Variants in TUB observed in about 807,000 individuals in gnomAD.
The protein encoded by TUB is TUB bipartite transcription factor.
TUB carries 33 observed loss-of-function variants against 59.7 expected under a neutral mutation model. The ratio of observed to expected loss-of-function variants is 0.55; its 90% CI spans 0.42 to 0.74. The LOEUF (loss-of-function observed/expected upper bound fraction) is 0.74, where lower values mean the gene tolerates loss of function less well. Ranked by LOEUF, TUB falls within the 30% of genes least tolerant of loss-of-function variation. The pLI, the probability that TUB is intolerant of heterozygous loss-of-function variation, is 0.00. For missense variants in TUB, 659 were observed against 672.0 expected, an observed-to-expected ratio of 0.98 and a Z score of 0.21; for synonymous variants, 293 against 256.4, an observed-to-expected ratio of 1.14 and a Z score of -1.36.
intron 3 of TUB, among the ~76,000 whole-genome samples, chr11:8,092,674 A>G (rs114739857): frequency 0.015 from 2,250 of 152,196 alleles, 47 homozygotes; most frequent in African/African-American, 0.051. Context: ...GATTTCTGGG[A>G]GGTGCCTACT....
intron 3 of TUB, among the ~76,000 whole-genome samples, chr11:8,093,779 G>A (rs1262705342): frequency 1.3e-5 from 2 of 152,174 alleles, no homozygotes; most frequent in African/African-American, 4.8e-5. Flanking sequence ...TGCGCACTTT[G>A]TTGGCTGATC....
upstream of TUB, among the ~76,000 whole-genome samples, chr11:8,034,011 C>T (rs532913400): frequency 6.6e-6 from 1 of 152,300 alleles, no homozygotes; most frequent in African/African-American, 2.4e-5. Context: ...TGGGGCATAC[C>T]CGGCCTTGTC....
upstream of TUB, chr11:8,036,005 C>G (rs1409834446): frequency 6.6e-6 from 1 of 152,310 alleles, no homozygotes; most frequent in Admixed American, 6.5e-5. Flanking sequence ...GGGGGGCACA[C>G]CTGTCTCCAG....
upstream of TUB, among the ~76,000 whole-genome samples, chr11:8,078,897 T>A (rs1187461733): frequency 6.6e-6 from 1 of 151,842 alleles, no homozygotes; most frequent in Non-Finnish European, 1.5e-5. Flanking sequence ...ACACTGGCGC[T>A]CAGTCCCACT....
At chr11:8,042,527 T>G (rs767137854) in intron 2 of TUB, among the ~76,000 whole-genome samples, 7 of 152,166 alleles carry the variant, frequency 4.6e-5, no homozygotes, top group Non-Finnish European at 8.8e-5. Flanking sequence ...ACTGTCAGAG[T>G]GTTTTCCCAA....
upstream of TUB, chr11:8,038,564 G>A (rs890926749): frequency 4.6e-6 from 5 of 1,096,802 alleles, no homozygotes; most frequent in African/African-American, 8.2e-5. Context: ...CAGATGCAGA[G>A]AGACTTGGCC....
Position 8,104,849 on chromosome 11 carries a change from T to TAATC in TUB, c.*3232_*3235dup, listed in dbSNP as rs1944470756. 1 of 151,534 alleles carries TAATC rather than the reference T, an allele frequency of 6.6e-6. No individual in the cohort carries two copies. The highest frequency in any genetic ancestry group is 6.6e-5 in the Admixed American group (1 of 15,224). The allele number at this position is 151,534 out of a possible 1,614,324, so 9.4% of individuals were successfully genotyped here. A position where few individuals can be genotyped will look rare whatever the true frequency, so the allele number is the denominator to read the frequency against. Reference sequence around the variant, plus strand: ...CAGGTGTTGGAAGCCAGGACTGTGATAATCAGAAGCTATAAGAGAACTTTC... The same window carrying TAATC: ...CAGGTGTTGGAAGCCAGGACTGTGATAATCAATCAGAAGCTATAAGAGAACTTTC... On this transcript the variant is annotated 3_prime_UTR_variant, in exon 12 of 12. Transcript: ENST00000299506.
chr11:8,050,397 A>C (rs890931194), intron 2 of TUB, among the ~76,000 whole-genome samples: 2 of 152,190 alleles, frequency 1.3e-5, no homozygotes, highest in African/African-American at 4.8e-5. Context: ...GATGCTGCCA[A>C]AGTTTTCCAG....
At chr11:8,063,650 T>G (rs751331852) in intron 2 of TUB, among the ~76,000 whole-genome samples, 1 of 152,228 alleles carries the variant, frequency 6.6e-6, no homozygotes. Flanking sequence ...ATTATAAATA[T>G]CATGGCTATG....
rs990806433 is a variant in TUB at position 8,104,469 on chromosome 11, G to A, written c.*2850G>A. On this transcript the variant is annotated 3_prime_UTR_variant, in exon 12 of 12. Transcript: ENST00000299506. Reference sequence around the variant, plus strand: ...GTCTGTGTGTTTATTTGGGGAAAAGGGCAATCAGCAATCAACTGAGGTTTC... The same window carrying A: ...GTCTGTGTGTTTATTTGGGGAAAAGAGCAATCAGCAATCAACTGAGGTTTC... 1.3e-5 allele frequency: 2 copies of A among 152,188 alleles called. No homozygotes were observed. Among genetic ancestry groups the A allele is most frequent in the African/African-American group, 4.8e-5 (2 of 41,422 alleles). The allele number at this position is 152,188 out of a possible 1,614,324, so 9.4% of individuals were successfully genotyped here. A position where few individuals can be genotyped will look rare whatever the true frequency, so the allele number is the denominator to read the frequency against.
chr11:8,097,542 C>A, intron 7 of TUB, 117 bp downstream of exon 7: 1 of 1,440,348 alleles, frequency 6.9e-7, no homozygotes, highest in Non-Finnish European at 9.6e-7. Flanking sequence ...CTCAAAGAAA[C>A]TGCCTTCGTG....
chr11:8,089,707 A>T, intron 2 of TUB, 46 bp downstream of exon 2: 1 of 1,611,398 alleles, frequency 6.2e-7, no homozygotes, highest in Non-Finnish European at 8.5e-7. Flanking sequence ...CTGGGCTGGG[A>T]TCTCTGAGGG....
rs181311410 is a variant in TUB at position 8,092,208 on chromosome 11, A to G, written c.254-1838A>G. Reference sequence around the variant, plus strand: ...TGTAATCCCAACACTTTGGGAGGCCAAGGCAGGAGGATTGCTTGAGGGCGG... The same window carrying G: ...TGTAATCCCAACACTTTGGGAGGCCGAGGCAGGAGGATTGCTTGAGGGCGG... On this transcript the variant is annotated intron_variant, in intron 3 of 11. Transcript: ENST00000299506. 2.7e-3 allele frequency among the ~76,000 whole-genome samples: 406 copies of G among 152,276 alleles called. 2 individuals carry two copies. Among genetic ancestry groups the G allele is most frequent in the African/African-American group, 9.5e-3 (394 of 41,550 alleles).
chr11:8,096,069 T>A (rs767653033), intron 5 of TUB, among the ~76,000 whole-genome samples: 1 of 152,186 alleles, frequency 6.6e-6, no homozygotes, highest in African/African-American at 2.4e-5. Flanking sequence ...AGCCTGGCAG[T>A]GCCACACATT....
chr11:8,069,368 A>G (rs1943312800), intron 2 of TUB: 1 of 123,554 alleles, frequency 8.1e-6, no homozygotes, highest in Non-Finnish European at 1.6e-5. Flanking sequence ...TTACACTCTC[A>G]TTTTTAAATT....
In TUB at chr11:8,095,270, C is replaced by T. The variant is rs369497075; in HGVS notation, c.398-228C>T. On this transcript the variant is annotated intron_variant, in intron 4 of 11. Coordinates refer to ENST00000299506, the MANE Select transcript of TUB (RefSeq NM_177972.3). ...ACGTGAGGTGTTGTAAACCAACCCT[C>T]GGCAATTAATTTGGGGGAAGAGCAG... Among the ~76,000 whole-genome samples, 12 of 152,270 alleles carry T rather than the reference C, an allele frequency of 7.9e-5. No individual in the cohort carries two copies. The South Asian group carries it at 1.0e-3, about 13-fold the overall frequency.
chr11:8,089,932 C>G, intron 2 of TUB, 137 bp from the exon 3 acceptor site: 2 of 1,328,204 alleles, frequency 1.5e-6, no homozygotes, highest in Non-Finnish European at 2.0e-6. Flanking sequence ...TGTTTTGCCT[C>G]CCTTTCCTGG....
intron 2 of TUB, among the ~76,000 whole-genome samples, chr11:8,058,708 C>T (rs1198983821): frequency 6.6e-6 from 1 of 152,040 alleles, no homozygotes; most frequent in Non-Finnish European, 1.5e-5. Flanking sequence ...GTTTCACTTT[C>T]AACTTACTTG....
chr11:8,094,243 G>T, intron 4 of TUB, 54 bp downstream of exon 4: 1 of 1,540,030 alleles, frequency 6.5e-7, no homozygotes, highest in African/African-American at 1.4e-5. Context: ...CCACTGTAGG[G>T]CTGGGGAAGG....
Sources: allele counts gnomAD v4.1 joint callset (sites outside exome capture counted in the v4.1 genomes callset), GRCh38; gene constraint gnomAD v4.1.1; transcripts MANE v1.5; gene names NCBI Gene and HGNC (gene_info 2026-07-23, HGNC 2026-07-21).